FRAS1: variants seen among roughly 807,000 people sequenced by gnomAD.
FRAS1 encodes the protein Fraser extracellular matrix complex subunit 1, also known as extracellular matrix organizing protein FRAS1.
FRAS1 carries 290 observed loss-of-function variants against 435.2 expected under a neutral mutation model. That is an observed-to-expected ratio of 0.67 (90% CI 0.61 to 0.73). The LOEUF (loss-of-function observed/expected upper bound fraction) is 0.73, where lower values mean the gene tolerates loss of function less well. FRAS1 is among the 30% of genes least tolerant of loss of function. The pLI, the probability that FRAS1 is intolerant of heterozygous loss-of-function variation, is 0.00. For missense variants in FRAS1, 4,860 were observed against 5,001.5 expected (o/e 0.97, Z 0.85); for synonymous variants, 1,800 against 1,851.0 (o/e 0.97, Z 0.71).
chr4:78,509,254 G>A (rs1408992046), intron 63 of FRAS1, among the ~76,000 whole-genome samples: 1 of 152,136 alleles, frequency 6.6e-6, no homozygotes, highest in African/African-American at 2.4e-5. Flanking sequence ...AATGTTAAGA[G>A]GTTACTTAAT....
At chr4:78,530,221 G>T (rs1468974630) in intron 70 of FRAS1, among the ~76,000 whole-genome samples, 3 of 151,974 alleles carry the variant, frequency 2.0e-5, no homozygotes, top group Non-Finnish European at 4.4e-5. Context: ...TTTAAGGGGA[G>T]AGAGGAACGA....
At chr4:78,261,308 CT>C (rs1726089120) in intron 6 of FRAS1, among the ~76,000 whole-genome samples, 1 of 149,286 alleles carries the variant, frequency 6.7e-6, no homozygotes, top group Non-Finnish European at 1.5e-5. Flanking sequence ...TACAAAATGG[CT>C]TTTAAACATT....
chr4:78,452,059 T>G, intron 46 of FRAS1, 116 bp from the exon 47 acceptor site: 1 of 1,271,748 alleles, frequency 7.9e-7, no homozygotes, highest in Non-Finnish European at 1.1e-6. Flanking sequence ...CTTGGTGTGC[T>G]CTCTAACACA....
Position 78,384,095 on chromosome 4 carries a change from G to A in FRAS1, c.3600G>A (p.Gln1200=). The A allele has an allele frequency of 6.2e-7, 1 of 1,606,934 alleles. No individual in the cohort carries two copies. ...TTTTCCTGAAAATTAGTGACCAGCA[G>A]TTCTTCTCTGAGCCACAGCTGATCA... The part of the protein sequence containing the change: ...GYLFLKISDQ[Q]FFSEPQLINI... The change falls in exon 28 of 74, where the codon CAG becomes CAA. Residue 1200 remains glutamine (Q), a synonymous_variant. Coordinates refer to ENST00000512123, the MANE Select transcript of FRAS1 (RefSeq NM_025074.7).
intron 70 of FRAS1, among the ~76,000 whole-genome samples, chr4:78,530,111 G>A (rs1401963322): frequency 6.6e-6 from 1 of 151,780 alleles, no homozygotes; most frequent in Non-Finnish European, 1.5e-5. Context: ...CAATGTATTT[G>A]ACCACTCCCT....
chr4:78,502,742 C>T (rs1720721754), intron 61 of FRAS1, among the ~76,000 whole-genome samples: 3 of 152,110 alleles, frequency 2.0e-5, no homozygotes, highest in Non-Finnish European at 2.9e-5. Context: ...CCAGAACTTC[C>T]AATACTGTGT....
At chr4:78,070,113 T>A (rs1250627958) in intron 2 of FRAS1, among the ~76,000 whole-genome samples, 1 of 152,154 alleles carries the variant, frequency 6.6e-6, no homozygotes, top group Non-Finnish European at 1.5e-5. Flanking sequence ...CCCATTTAAC[T>A]GAGGCTGTCC....
intron 63 of FRAS1, among the ~76,000 whole-genome samples, chr4:78,509,366 GAA>G (rs1720958419): frequency 6.6e-6 from 1 of 152,192 alleles, no homozygotes. Flanking sequence ...CAAAGTCAGT[GAA>G]AAACTCCAGA....
At chr4:78,220,053 T>C (rs1416230596) in intron 2 of FRAS1, among the ~76,000 whole-genome samples, 2 of 152,194 alleles carry the variant, frequency 1.3e-5, no homozygotes, top group Non-Finnish European at 2.9e-5. Flanking sequence ...AGTAGTGATG[T>C]GGATTGGAGT....
intron 2 of FRAS1, among the ~76,000 whole-genome samples, chr4:78,231,522 C>T (rs2110108690): frequency 6.6e-6 from 1 of 151,900 alleles, no homozygotes; most frequent in East Asian, 1.9e-4. Context: ...TTTTGGGGAG[C>T]TTTATTCTTT....
intron 2 of FRAS1, among the ~76,000 whole-genome samples, chr4:78,224,850 T>C (rs1240880949): frequency 6.6e-6 from 1 of 152,338 alleles, no homozygotes; most frequent in East Asian, 1.9e-4. Context: ...ACTTTTGTAA[T>C]GACATTTTAA....
chr4:78,449,082 T>C (rs1013087066), intron 44 of FRAS1, among the ~76,000 whole-genome samples: 1 of 152,230 alleles, frequency 6.6e-6, no homozygotes, highest in African/African-American at 2.4e-5. Flanking sequence ...TATAAGCTAA[T>C]AAACTATCCT....
intron 2 of FRAS1, among the ~76,000 whole-genome samples, chr4:78,190,391 A>G (rs60419354): frequency 0.34 from 52,023 of 151,410 alleles, 8,986 homozygotes; most frequent in African/African-American, 0.37. Flanking sequence ...TTCCCTGTCT[A>G]TGCTCTCTGA....
At chr4:78,504,572 C>T (rs973857670) in intron 61 of FRAS1, among the ~76,000 whole-genome samples, 1 of 152,056 alleles carries the variant, frequency 6.6e-6, no homozygotes, top group Non-Finnish European at 1.5e-5. Context: ...TTTCCATTTG[C>T]TTGGTGGATC....
intron 2 of FRAS1, among the ~76,000 whole-genome samples, chr4:78,069,944 C>A (rs777946208): frequency 7.0e-4 from 106 of 152,162 alleles, no homozygotes; most frequent in Non-Finnish European, 1.3e-3. Flanking sequence ...TTCTCACAAC[C>A]AAGTCAGTCC....
Position 78,354,828 on chromosome 4 carries a change from G to A in FRAS1, c.2423-8685G>A, listed in dbSNP as rs568512253. 5.9e-5 allele frequency among the ~76,000 whole-genome samples: 9 copies of A among 152,242 alleles called. No homozygotes were observed. The South Asian group carries it at 6.2e-4, about 11-fold the overall frequency. ...AACCAACATCCAAAGCCATTGCGTC[G>A]ACAGTACACATTTACTTTAATATCT... On this transcript the variant is annotated intron_variant, in intron 20 of 73. Coordinates refer to ENST00000512123, the MANE Select transcript of FRAS1 (RefSeq NM_025074.7).
In FRAS1 at chr4:78,452,322, A is replaced by G; in HGVS notation, c.6731A>G (p.Gln2244Arg). Residue 2244 changes from glutamine (Q) to arginine (R), a missense_variant, in exon 47 of 74, where the codon CAG (glutamine) becomes CGG (arginine). Physicochemically the swap from Gln to Arg is conservative, Grantham distance 43. Coordinates refer to ENST00000512123, the MANE Select transcript of FRAS1 (RefSeq NM_025074.7). ...ATCTACAGAATCACCAGACAGCCCCAGCTGGGCCACTTGGAACATGCAGCA... is the reference window on the plus strand; with the variant it reads ...ATCTACAGAATCACCAGACAGCCCCGGCTGGGCCACTTGGAACATGCAGCA... The part of the protein sequence containing the change: ...ELIYRITRQP[Q>R]LGHLEHAASP... The G allele has an allele frequency of 1.9e-6, 3 of 1,609,052 alleles. No individual in the cohort carries two copies. The South Asian group carries it at 3.4e-5, about 18-fold the overall frequency.
rs1235894733 is a variant in FRAS1, at chr4:78,488,992, C to T, written c.8870C>T (p.Thr2957Ile). Reference sequence around the variant, plus strand: ...TATGAGTCATCAGTGAGGTGCTATACTCAGAGCCATTCCGCTCAGGTCATG... The same window carrying T: ...TATGAGTCATCAGTGAGGTGCTATATTCAGAGCCATTCCGCTCAGGTCATG... ...LSYESSVRCY[T>I]QSHSAQVMED... The change falls in exon 59 of 74, where the codon ACT (threonine) becomes ATT (isoleucine). Residue 2957 changes from threonine to isoleucine, a missense_variant. Coordinates refer to ENST00000512123, the MANE Select transcript of FRAS1 (RefSeq NM_025074.7). 1.9e-6 allele frequency: 3 copies of T among 1,613,612 alleles called. No homozygotes were observed. The highest frequency in any genetic ancestry group is 2.5e-6 in the Non-Finnish European group (3 of 1,179,790).
chr4:78,198,106 C>T (rs1422902866), intron 2 of FRAS1, among the ~76,000 whole-genome samples: 2 of 152,188 alleles, frequency 1.3e-5, no homozygotes, highest in African/African-American at 4.8e-5. Context: ...GACTCTCTGA[C>T]CGAGCCCCCA....
Sources: allele counts gnomAD v4.1 joint callset (sites outside exome capture counted in the v4.1 genomes callset), GRCh38; gene constraint gnomAD v4.1.1; transcripts MANE v1.5; gene names NCBI Gene and HGNC (gene_info 2026-07-23, HGNC 2026-07-21).